Variants in SLCO3A1 observed in about 807,000 individuals in gnomAD.
The protein encoded by SLCO3A1 is solute carrier organic anion transporter family member 3A1.
A neutral mutation model predicts 63.1 loss-of-function variants in SLCO3A1; 27 were observed. The observed-to-expected ratio is 0.43, with a 90% CI of 0.32 to 0.59. The LOEUF (loss-of-function observed/expected upper bound fraction) is 0.59, where lower values mean the gene tolerates loss of function less well. Ranked by LOEUF, SLCO3A1 falls within the 20% of genes least tolerant of loss-of-function variation. The probability of loss-of-function intolerance (pLI) is 0.09; values close to 1 mark genes in which losing one functional copy is unlikely to be tolerated. For synonymous variants in SLCO3A1, 473 were observed against 409.9 expected (o/e 1.15, Z -1.86); for missense variants, 773 against 945.8 (o/e 0.82, Z 2.40).
At chr15:92,149,037 T>C (rs780455373) in intron 8 of SLCO3A1, 1 of 152,430 alleles carries the variant, frequency 6.6e-6, no homozygotes, top group East Asian at 1.9e-4. Flanking sequence ...TATTGTGATA[T>C]TCATACACTA....
At chr15:92,051,633 G>A (rs1207226699) in intron 2 of SLCO3A1, among the ~76,000 whole-genome samples, 2 of 152,134 alleles carry the variant, frequency 1.3e-5, no homozygotes, top group Non-Finnish European at 2.9e-5. Flanking sequence ...AGGGGCTTTG[G>A]AGCATGAGAG....
Position 91,968,332 on chromosome 15 carries a change from C to G in SLCO3A1, c.646+51874C>G, listed in dbSNP as rs1374430774. On this transcript the variant is annotated intron_variant, in intron 2 of 9. Coordinates refer to ENST00000318445, the MANE Select transcript of SLCO3A1 (RefSeq NM_013272.4). This position sits in a 1 kb window ranked among gnomAD's most constrained non-coding sequence, Gnocchi z 4.2. The stretch of plus-strand genomic sequence containing the variant: ...TAGCTGGCATCATTAAAATGACTTT[C>G]TAGTCTCCTGCGAGCTTTCTCTCAA... Among the ~76,000 whole-genome samples the G allele has an allele frequency of 1.3e-5, 2 of 152,090 alleles. No homozygotes were observed. Among genetic ancestry groups the G allele is most frequent in the Non-Finnish European group, 2.9e-5 (2 of 68,034 alleles).
chr15:91,879,168 T>C (rs576641910), intron 1 of SLCO3A1, among the ~76,000 whole-genome samples: 3 of 152,232 alleles, frequency 2.0e-5, no homozygotes, highest in African/African-American at 4.8e-5. Flanking sequence ...GCCATGGTTA[T>C]ATAGAATATC....
At chr15:92,023,015 A>T (rs1253942908) in intron 2 of SLCO3A1, among the ~76,000 whole-genome samples, 1 of 152,196 alleles carries the variant, frequency 6.6e-6, no homozygotes, top group Non-Finnish European at 1.5e-5. Flanking sequence ...GTGGATGGTT[A>T]TGCCAGCAAA....
chr15:92,145,494 C>T (rs994612108), intron 7 of SLCO3A1, among the ~76,000 whole-genome samples: 9 of 152,128 alleles, frequency 5.9e-5, no homozygotes, highest in Non-Finnish European at 1.0e-4. Context: ...GGTCTTGTCC[C>T]GAGGTTCTTG....
chr15:92,059,421 A>G (rs2047059795), intron 2 of SLCO3A1, among the ~76,000 whole-genome samples: 2 of 152,164 alleles, frequency 1.3e-5, no homozygotes, highest in African/African-American at 4.8e-5. Context: ...GTCCATCCTC[A>G]GGAGTGTCAC....
At chr15:91,922,799 G>A (rs1027941775) in intron 2 of SLCO3A1, among the ~76,000 whole-genome samples, 1 of 152,190 alleles carries the variant, frequency 6.6e-6, no homozygotes, top group Non-Finnish European at 1.5e-5. Flanking sequence ...CACTATAAAA[G>A]TGGTCAGTTT....
At chr15:91,926,378 A>C (rs1397187157) in intron 2 of SLCO3A1, among the ~76,000 whole-genome samples, 1 of 152,232 alleles carries the variant, frequency 6.6e-6, no homozygotes, top group Admixed American at 6.5e-5. Flanking sequence ...TGCTCAGTTT[A>C]TTCAATGGCT....
At chr15:91,913,925 T>G (rs1195785911) in intron 1 of SLCO3A1, among the ~76,000 whole-genome samples, 1 of 152,132 alleles carries the variant, frequency 6.6e-6, no homozygotes, top group African/African-American at 2.4e-5. Context: ...TCTTCTCCCC[T>G]CTCTCAATAT....
intron 7 of SLCO3A1, among the ~76,000 whole-genome samples, chr15:92,132,854 C>T (rs2048012924): frequency 6.9e-6 from 1 of 145,410 alleles, no homozygotes; most frequent in Non-Finnish European, 1.5e-5. Flanking sequence ...TGACGGGTCT[C>T]AATACAGGCC....
chr15:92,098,418 A>T (rs1366107773), intron 3 of SLCO3A1, among the ~76,000 whole-genome samples: 1 of 152,128 alleles, frequency 6.6e-6, no homozygotes, highest in Non-Finnish European at 1.5e-5. Flanking sequence ...GGGAGAATAA[A>T]TCCCTCCCCT....
At chr15:91,899,527 A>T (rs1282620683) in intron 1 of SLCO3A1, among the ~76,000 whole-genome samples, 1 of 152,078 alleles carries the variant, frequency 6.6e-6, no homozygotes, top group African/African-American at 2.4e-5. Context: ...AACCTCTCCC[A>T]GTTCTGCCCT....
chr15:91,869,520 A>AC (rs1567164011), intron 1 of SLCO3A1, among the ~76,000 whole-genome samples: 1 of 54,390 alleles, frequency 1.8e-5, no homozygotes, highest in Non-Finnish European at 3.3e-5. Context: ...TCTGTCTCAA[A>AC]GGAAAAAAAA....
Position 92,034,091 on chromosome 15 carries a change from C to G in SLCO3A1, c.647-60790C>G, listed in dbSNP as rs937115369. On this transcript the variant is annotated intron_variant, in intron 2 of 9. Coordinates refer to ENST00000318445, the MANE Select transcript of SLCO3A1 (RefSeq NM_013272.4). Reference sequence around the variant, plus strand: ...GTGCTGAGCAGAGAAGCGACATGGTCTGACAACTCCTGGGTGCTCTGTGGA... The same window carrying G: ...GTGCTGAGCAGAGAAGCGACATGGTGTGACAACTCCTGGGTGCTCTGTGGA... Among the ~76,000 whole-genome samples, 3 of 151,756 alleles carry G rather than the reference C, an allele frequency of 2.0e-5. No homozygotes were observed. In the South Asian group the frequency reaches 6.2e-4, roughly 32 times the overall value.
rs1017539165 is a variant in SLCO3A1 at position 91,856,527 on chromosome 15, G to A, written c.180+2439G>A. Among the ~76,000 whole-genome samples the A allele has an allele frequency of 6.6e-6, 1 of 152,166 alleles. No homozygotes were observed. Among genetic ancestry groups the A allele is most frequent in the South Asian group, 2.1e-4 (1 of 4,826 alleles). The stretch of plus-strand genomic sequence containing the variant: ...AAAAAGTTTGCTCCTTCAGCCATGC[G>A]AGACTTCTCTGTGGATAATTGGAGA... On this transcript the variant is annotated intron_variant, in intron 1 of 9. Transcript: ENST00000318445. This position sits in a 1 kb window ranked among gnomAD's most constrained non-coding sequence, Gnocchi z 4.9.
At chr15:92,156,494 T>C (rs2048373327) in intron 9 of SLCO3A1, among the ~76,000 whole-genome samples, 1 of 152,190 alleles carries the variant, frequency 6.6e-6, no homozygotes, top group African/African-American at 2.4e-5. Flanking sequence ...TTCCTGACCA[T>C]GTGGCAGATT....
chr15:91,890,166 T>A (rs956275735), intron 1 of SLCO3A1, among the ~76,000 whole-genome samples: 4 of 152,246 alleles, frequency 2.6e-5, no homozygotes, highest in African/African-American at 9.6e-5. Context: ...CAATATTTTA[T>A]TATTGAAAAA....
At chr15:92,079,061 T>C (rs556397421) in intron 2 of SLCO3A1, among the ~76,000 whole-genome samples, 2 of 152,314 alleles carry the variant, frequency 1.3e-5, no homozygotes, top group East Asian at 3.9e-4. Flanking sequence ...CCAGCGATAA[T>C]GAGTAAAATG....
At chr15:92,054,704 T>C (rs2047001388) in intron 2 of SLCO3A1, among the ~76,000 whole-genome samples, 1 of 152,112 alleles carries the variant, frequency 6.6e-6, no homozygotes, top group South Asian at 2.1e-4. Context: ...ATGTGGTATT[T>C]GGTTTTCTGT....
Sources: gnomAD v4.1 joint callset for allele counts (sites outside exome capture counted in the v4.1 genomes callset) on GRCh38, gnomAD v4.1.1 for gene constraint, Gnocchi (gnomAD v3.1) non-coding constraint, MANE v1.5 for transcripts, NCBI Gene and HGNC (gene_info 2026-07-23, HGNC 2026-07-21) for gene names.